The following DNAJC5B variants were observed in gnomAD, a reference collection of about 807,000 sequenced individuals.
DNAJC5B encodes dnaJ homolog subfamily C member 5B.
Under a neutral mutation model 24.7 loss-of-function variants are expected in DNAJC5B, and 23 were observed. That is an observed-to-expected ratio of 0.93 (90% confidence interval 0.67 to 1.32). DNAJC5B has a LOEUF of 1.32. Ranked by LOEUF, DNAJC5B falls within the 40% of genes most tolerant of loss-of-function variation. The probability of loss-of-function intolerance (pLI) is 0.00; values close to 1 mark genes in which losing one functional copy is unlikely to be tolerated. For synonymous variants in DNAJC5B, 101 were observed against 90.1 expected, an observed-to-expected ratio of 1.12 and a Z score of -0.68; for missense variants, 238 against 240.8, an observed-to-expected ratio of 0.99 and a Z score of 0.08.
chr8:66,067,466 A>C (rs1224488169), intron 3 of DNAJC5B, among the ~76,000 whole-genome samples: 1 of 152,150 alleles, frequency 6.6e-6, no homozygotes, highest in South Asian at 2.1e-4. Context: ...GTGGTCATCA[A>C]CAACCATGCC....
intron 5 of DNAJC5B, among the ~76,000 whole-genome samples, chr8:66,090,831 A>G (rs1321738627): frequency 6.6e-6 from 1 of 152,210 alleles, no homozygotes; most frequent in Non-Finnish European, 1.5e-5. Flanking sequence ...CTCAAGCTTC[A>G]TCCTACCCCT....
At chr8:66,019,979 G>C (rs1363902385), upstream of DNAJC5B, among the ~76,000 whole-genome samples, 8 of 152,188 alleles carry the variant, frequency 5.3e-5, no homozygotes, top group Non-Finnish European at 1.0e-4. Flanking sequence ...AAGACATTTA[G>C]GAAGTTAGTA....
chr8:66,055,064 T>G (rs1311579960), intron 3 of DNAJC5B, among the ~76,000 whole-genome samples: 3 of 152,244 alleles, frequency 2.0e-5, no homozygotes, highest in Non-Finnish European at 4.4e-5. Context: ...AAGCCAAAAT[T>G]TCAGGTCATA....
intron 3 of DNAJC5B, among the ~76,000 whole-genome samples, chr8:66,066,990 ACACAAAGGC>A (rs368237082): frequency 0.13 from 19,312 of 152,158 alleles, 2,493 homozygotes; most frequent in African/African-American, 0.33. Flanking sequence ...AGGGGCCAAT[ACACAAAGGC>A]TGTCTTTGGC....
intron 5 of DNAJC5B, among the ~76,000 whole-genome samples, chr8:66,086,542 A>C (rs1807728044): frequency 6.6e-6 from 1 of 152,146 alleles, no homozygotes; most frequent in African/African-American, 2.4e-5. Context: ...AAAAATCTAC[A>C]TTATATAAAG....
intron 5 of DNAJC5B, among the ~76,000 whole-genome samples, chr8:66,086,334 G>T (rs1256597843): frequency 6.6e-6 from 1 of 151,994 alleles, no homozygotes; most frequent in African/African-American, 2.4e-5. Context: ...TTGCTGCTGT[G>T]CTGTCACTGT....
At chr8:66,055,378 A>T (rs1209978874) in intron 3 of DNAJC5B, among the ~76,000 whole-genome samples, 2 of 152,204 alleles carry the variant, frequency 1.3e-5, no homozygotes, top group Non-Finnish European at 2.9e-5. Flanking sequence ...AGTCAGTGAA[A>T]TTTAATAAAA....
chr8:66,046,564 A>G (rs1260521350), intron 2 of DNAJC5B, among the ~76,000 whole-genome samples: 2 of 152,260 alleles, frequency 1.3e-5, no homozygotes, highest in African/African-American at 2.4e-5. Flanking sequence ...TTAGAACCAG[A>G]TAGCTCTAAA....
intron 3 of DNAJC5B, among the ~76,000 whole-genome samples, chr8:66,059,597 G>A (rs542780684): frequency 1.1e-3 from 160 of 152,280 alleles, no homozygotes; most frequent in African/African-American, 3.7e-3. Context: ...TCAATACTCA[G>A]GTTCAAGACC....
chr8:66,089,859 T>G (rs1807808259), intron 5 of DNAJC5B, among the ~76,000 whole-genome samples: 1 of 152,194 alleles, frequency 6.6e-6, no homozygotes, highest in Admixed American at 6.5e-5. Context: ...TATGTCTTTC[T>G]TAAAATAGAA....
chr8:66,049,689 G>C (rs983310274), intron 2 of DNAJC5B, among the ~76,000 whole-genome samples: 1 of 152,224 alleles, frequency 6.6e-6, no homozygotes, highest in Non-Finnish European at 1.5e-5. Context: ...ATTGTCGGCT[G>C]TGGGTGTTAT....
chr8:66,026,337 G>T (rs907967646), intron 1 of DNAJC5B, among the ~76,000 whole-genome samples: 1 of 152,156 alleles, frequency 6.6e-6, no homozygotes, highest in East Asian at 1.9e-4. Flanking sequence ...AGACGATGGG[G>T]TTTTTGCGGT....
At chr8:66,046,565 T>C (rs192121075) in intron 2 of DNAJC5B, among the ~76,000 whole-genome samples, 1 of 152,366 alleles carries the variant, frequency 6.6e-6, no homozygotes, top group Non-Finnish European at 1.5e-5. Flanking sequence ...TAGAACCAGA[T>C]AGCTCTAAAT....
chr8:66,020,560 C>T (rs1206689238), upstream of DNAJC5B, among the ~76,000 whole-genome samples: 1 of 150,076 alleles, frequency 6.7e-6, no homozygotes, highest in Non-Finnish European at 1.5e-5. Flanking sequence ...CCTTACTCAA[C>T]ACTAGAACCT....
intron 1 of DNAJC5B, among the ~76,000 whole-genome samples, chr8:66,031,110 T>A (rs1648669871): frequency 1.3e-5 from 2 of 152,338 alleles, no homozygotes; most frequent in African/African-American, 4.8e-5. Flanking sequence ...AGTGATTTCA[T>A]CATAACTAGG....
chr8:66,058,197 G>A (rs1807007543), intron 3 of DNAJC5B, among the ~76,000 whole-genome samples: 1 of 152,128 alleles, frequency 6.6e-6, no homozygotes, highest in Non-Finnish European at 1.5e-5. Context: ...AGTATTCCAC[G>A]ACATGGATGT....
At chr8:66,040,270 G>C (rs1328996339) in intron 1 of DNAJC5B, among the ~76,000 whole-genome samples, 1 of 152,006 alleles carries the variant, frequency 6.6e-6, no homozygotes, top group Non-Finnish European at 1.5e-5. Context: ...CGTGCCTGTA[G>C]TCCCAGCTAC....
chr8:66,084,048 C>A (rs1807664427), intron 5 of DNAJC5B, among the ~76,000 whole-genome samples: 1 of 152,166 alleles, frequency 6.6e-6, no homozygotes, highest in South Asian at 2.1e-4. Context: ...AAATCCAGCA[C>A]TGCTCTTGGA....
intron 1 of DNAJC5B, among the ~76,000 whole-genome samples, chr8:66,038,176 G>C (rs1804417015): frequency 6.6e-6 from 1 of 152,212 alleles, no homozygotes; most frequent in Admixed American, 6.5e-5. Flanking sequence ...GTGATGTTCA[G>C]GCTTGGCAGA....
Sources: allele counts gnomAD v4.1 joint callset (sites outside exome capture counted in the v4.1 genomes callset), GRCh38; gene constraint gnomAD v4.1.1; transcripts MANE v1.5; gene names NCBI Gene and HGNC (gene_info 2026-07-23, HGNC 2026-07-21).